ARRDC2: variants seen among roughly 807,000 people sequenced by gnomAD.
ARRDC2 encodes arrestin domain-containing protein 2.
ARRDC2 carries 39 observed loss-of-function variants against 38.9 expected under a neutral mutation model. The ratio of observed to expected loss-of-function variants is 1.00; its 90% CI spans 0.78 to 1.31. ARRDC2 has a LOEUF of 1.31. Ranked by LOEUF, ARRDC2 falls within the 50% of genes most tolerant of loss-of-function variation. ARRDC2 has a pLI of 0.00. For missense variants in ARRDC2, 553 were observed against 588.4 expected, an observed-to-expected ratio of 0.94 and a Z score of 0.62; for synonymous variants, 300 against 261.9, an observed-to-expected ratio of 1.15 and a Z score of -1.41.
intron 2 of ARRDC2, 46 bp from the exon 3 acceptor site, chr19:18,008,925 C>G: frequency 6.2e-7 from 1 of 1,608,458 alleles, no homozygotes; most frequent in Non-Finnish European, 8.5e-7. Flanking sequence ...TCCCTGCCTG[C>G]TTGTCTCTGT....
chr19:18,013,495 T>C lies in ARRDC2; in HGVS notation c.*529T>C, dbSNP rs2033453374. The C allele has an allele frequency of 6.5e-6, 1 of 152,992 alleles. No individual in the cohort carries two copies. The highest frequency in any genetic ancestry group is 2.4e-5 in the African/African-American group (1 of 41,448). 9.5% of individuals were successfully genotyped at this position (152,992 alleles called of 1,614,324 possible). A position where few individuals can be genotyped will look rare whatever the true frequency, so the allele number is the denominator to read the frequency against. ...GACGTTTGGAATCCACCCCGTTTATTGTAGAACTGGGGGTTCAGAGGGCAG... is the reference window on the plus strand; with the variant it reads ...GACGTTTGGAATCCACCCCGTTTATCGTAGAACTGGGGGTTCAGAGGGCAG... On this transcript the variant is annotated 3_prime_UTR_variant, in exon 8 of 8. Coordinates refer to ENST00000222250, the MANE Select transcript of ARRDC2 (RefSeq NM_015683.2).
upstream of ARRDC2, among the ~76,000 whole-genome samples, chr19:18,003,680 C>T (rs1348615980): frequency 6.6e-6 from 1 of 151,754 alleles, no homozygotes; most frequent in African/African-American, 2.4e-5. Context: ...CCCTCTGCTG[C>T]CCAGGCTGGA....
intron 3 of ARRDC2, chr19:18,009,348 T>C (rs2033354926): frequency 6.2e-6 from 4 of 642,332 alleles, no homozygotes; most frequent in East Asian, 2.7e-5. Flanking sequence ...TTCTGTGAAA[T>C]AGACCAGAGC....
intron 1 of ARRDC2, 53 bp downstream of exon 1, chr19:18,008,637 G>A (rs1431858702): frequency 6.2e-7 from 1 of 1,601,584 alleles, no homozygotes; most frequent in Non-Finnish European, 8.5e-7. Flanking sequence ...CCCACCACCT[G>A]GACGGCGGTA....
Position 18,008,306 on chromosome 19 carries a change from AC to A in ARRDC2, c.-4del, listed in dbSNP as rs778308684. ...CGCCTGTCGTGGGTTCGCACCCCGG[AC>A]GCGATGCTATTCGACAAGGTGAAAG... On this transcript the variant is annotated 5_prime_UTR_variant, in exon 1 of 8. Coordinates refer to ENST00000222250, the MANE Select transcript of ARRDC2 (RefSeq NM_015683.2). 1.9e-6 allele frequency: 3 copies of A among 1,593,034 alleles called. No homozygotes were observed. The East Asian group carries it at 6.8e-5, about 36-fold the overall frequency.
At chr19:18,003,223 G>C (rs1305448735), upstream of ARRDC2, among the ~76,000 whole-genome samples, 1 of 152,180 alleles carries the variant, frequency 6.6e-6, no homozygotes, top group Non-Finnish European at 1.5e-5. Flanking sequence ...TTAGAGGCCA[G>C]CCTGGGCAAC....
intron 6 of ARRDC2, 72 bp from the exon 7 acceptor site, chr19:18,010,492 ACAAGCCAG>A (rs1410512202): frequency 1.3e-6 from 2 of 1,558,902 alleles, no homozygotes; most frequent in African/African-American, 2.7e-5. Context: ...CAGAGCTGGC[ACAAGCCAG>A]CTCCTGGCCC....
At chr19:18,009,422 A>G in intron 3 of ARRDC2, 170 bp from the exon 4 acceptor site, 2 of 662,462 alleles carry the variant, frequency 3.0e-6, no homozygotes, top group East Asian at 2.7e-5. Context: ...TTCTGGCTTT[A>G]TAAGATGGGT....
chr19:18,005,273 C>T (rs1159382966), upstream of ARRDC2, among the ~76,000 whole-genome samples: 3 of 152,154 alleles, frequency 2.0e-5, no homozygotes, highest in South Asian at 2.1e-4. Context: ...CCTGAGTGGA[C>T]ACAGCACATG....
intron 3 of ARRDC2, 157 bp downstream of exon 3, chr19:18,009,275 C>T: frequency 2.3e-6 from 2 of 881,594 alleles, no homozygotes; most frequent in Middle Eastern, 3.4e-4. Flanking sequence ...CTGGGATCTG[C>T]ACCCATTTGC....
exon 1 of ARRDC2, chr19:18,001,528 G>A: frequency 1.4e-6 from 2 of 1,388,316 alleles, no homozygotes; most frequent in Admixed American, 3.0e-5. Flanking sequence ...CAGCGACTAC[G>A]CGGCCGCGGA....
chr19:18,004,507 A>G (rs1040710657), upstream of ARRDC2, among the ~76,000 whole-genome samples: 1 of 149,984 alleles, frequency 6.7e-6, no homozygotes, highest in African/African-American at 2.4e-5. Flanking sequence ...TCGGCCTCCC[A>G]AAGTGCTGGG....
upstream of ARRDC2, chr19:18,008,056 A>G (rs1208355610): frequency 1.3e-5 from 14 of 1,102,318 alleles, no homozygotes; most frequent in Admixed American, 1.1e-4. Context: ...GCCTGGGCAG[A>G]GCCACGCCCC....
intron 1 of ARRDC2, among the ~76,000 whole-genome samples, chr19:18,001,731 T>G (rs2033191183): frequency 6.6e-6 from 1 of 152,030 alleles, no homozygotes; most frequent in Admixed American, 6.5e-5. Context: ...CTCCCACAGG[T>G]CAGGAGTTCA....
At chr19:18,008,121 A>AAAAAACGCCC, upstream of ARRDC2, 1 of 364,080 alleles carries the variant, frequency 2.7e-6, no homozygotes, top group Non-Finnish European at 4.2e-6. Context: ...CGGTGACCCC[A>AAAAAACGCCC]CCCCCCCCCG....
At chr19:18,006,080 A>G (rs2033271335), upstream of ARRDC2, among the ~76,000 whole-genome samples, 1 of 149,888 alleles carries the variant, frequency 6.7e-6, no homozygotes, top group East Asian at 2.0e-4. Flanking sequence ...GCGGCCGGGA[A>G]GAGGCGCTCC....
chr19:18,010,855 C>T, intron 7 of ARRDC2, 126 bp downstream of exon 7: 4 of 1,076,980 alleles, frequency 3.7e-6, no homozygotes, highest in Non-Finnish European at 5.2e-6. Context: ...TGCTCTGTCA[C>T]CCAGGCTGGA....
intron 7 of ARRDC2, 124 bp from the exon 8 acceptor site, chr19:18,012,789 A>C (rs991793083): frequency 2.4e-5 from 24 of 982,186 alleles, no homozygotes; most frequent in Non-Finnish European, 3.1e-5. Context: ...TGCCCTAGAC[A>C]CCACCTCCTG....
chr19:18,010,698 T>A lies in ARRDC2; in HGVS notation c.1139T>A (p.Phe380Tyr), dbSNP rs751376978. 4.3e-6 allele frequency: 7 copies of A among 1,613,618 alleles called. No individual in the cohort carries two copies. The East Asian group carries it at 1.1e-4, about 26-fold the overall frequency. Residue 380 changes from phenylalanine to tyrosine, a missense_variant, in exon 7 of 8, where the codon TTC (phenylalanine) becomes TAC (tyrosine). Coordinates refer to ENST00000222250, the MANE Select transcript of ARRDC2 (RefSeq NM_015683.2). ...CCGTTCTTCGCCTACATCCAAGAGTTCCGCTACCGCCCGCCACCCCTGTAC... is the reference window on the plus strand; with the variant it reads ...CCGTTCTTCGCCTACATCCAAGAGTACCGCTACCGCCCGCCACCCCTGTAC... Reference protein sequence around the residue: ...EGPFFAYIQEFRYRPPPLYSE... With the variant: ...EGPFFAYIQEYRYRPPPLYSE...
Sources: allele counts gnomAD v4.1 joint callset (sites outside exome capture counted in the v4.1 genomes callset), GRCh38; gene constraint gnomAD v4.1.1; transcripts MANE v1.5; gene names NCBI Gene and HGNC (gene_info 2026-07-23, HGNC 2026-07-21).